Variants in GJB7 observed in about 807,000 individuals in gnomAD.
GJB7 encodes gap junction beta-7 protein.
For missense variants in GJB7, 253 were observed against 256.8 expected (o/e 0.99, Z 0.10); for synonymous variants, 87 against 95.2 (o/e 0.91, Z 0.50).
chr6:87,312,896 G>A (rs945415910), intron 2 of GJB7, among the ~76,000 whole-genome samples: 2 of 152,234 alleles, frequency 1.3e-5, no homozygotes, highest in African/African-American at 4.8e-5. Flanking sequence ...CTTGGAATGA[G>A]TGGTAGAGGT....
rs115828225 is a variant in GJB7, at chr6:87,299,094, T to C, written c.-27-14155A>G. On this transcript the variant is annotated intron_variant, in intron 2 of 2. Transcript: ENST00000525899. ...ACAAATGAAGAAGCTGGGGAGGCCA[T>C]CACCAGTGCTATTGTACTGCCATGC... 551 of 505,748 alleles carry C rather than the reference T, an allele frequency of 1.1e-3. 1 individual carries two copies. The highest frequency in any genetic ancestry group is 9.9e-3 in the African/African-American group (509 of 51,586). 31.3% of individuals were successfully genotyped at this position (505,748 alleles called of 1,614,324 possible).
chr6:87,285,680 A>G (rs541653664), intron 2 of GJB7, among the ~76,000 whole-genome samples: 2 of 152,126 alleles, frequency 1.3e-5, no homozygotes, highest in African/African-American at 4.8e-5. Flanking sequence ...GTGGTCTTCA[A>G]TCTCCCGTCT....
chr6:87,284,751 G>T lies in GJB7; in HGVS notation c.162C>A (p.Asn54Lys). The change falls in exon 3 of 3, where the codon AAC (asparagine) becomes AAA (lysine). Residue 54 changes from asparagine to lysine, a missense_variant. Physicochemically the swap from Asn to Lys is moderately conservative, Grantham distance 94. Coordinates refer to ENST00000525899, the MANE Select transcript of GJB7 (RefSeq NM_198568.3). ...WKDEQKEFEC[N>K]SRQPGCKNVC... ...CATTTTTGCAACCGGGCTGTCTACT[G>T]TTGCACTCAAACTCTTTCTGCTCAT... 1 of 1,614,140 alleles carries T rather than the reference G, an allele frequency of 6.2e-7. No individual in the cohort carries two copies. The highest frequency in any genetic ancestry group is 8.5e-7 in the Non-Finnish European group (1 of 1,180,030).
At chr6:87,299,443 T>A (rs1379502257) in intron 2 of GJB7, 2 of 456,756 alleles carry the variant, frequency 4.4e-6, no homozygotes, top group African/African-American at 4.0e-5. Context: ...TATTAATACG[T>A]CAAAAGGTTA....
rs532020903 is a variant in GJB7, at chr6:87,299,543, A to G, written c.-27-14604T>C. 5.0e-5 allele frequency: 14 copies of G among 280,268 alleles called. No individual in the cohort carries two copies. The East Asian group carries it at 5.6e-4, about 11-fold the overall frequency. 17.4% of individuals were successfully genotyped at this position (280,268 alleles called of 1,614,324 possible). On this transcript the variant is annotated intron_variant, in intron 2 of 2. Transcript: ENST00000525899. The stretch of plus-strand genomic sequence containing the variant: ...ACTGTACCTGCTCTTTAAATTGCCA[A>G]TCCTCACTGTAAGTCCTTGGTCATA...
chr6:87,302,031 G>A (rs956791110), intron 2 of GJB7, among the ~76,000 whole-genome samples: 4 of 152,124 alleles, frequency 2.6e-5, no homozygotes, highest in Non-Finnish European at 5.9e-5. Context: ...CCATCTGTAC[G>A]TCAAAATCAT....
In GJB7 at chr6:87,284,823, G is replaced by A. The variant is rs1169241336; in HGVS notation, c.90C>T (p.Val30=). The A allele has an allele frequency of 1.9e-6, 3 of 1,613,956 alleles. No individual in the cohort carries two copies. Among genetic ancestry groups the A allele is most frequent in the Non-Finnish European group, 2.5e-6 (3 of 1,180,024 alleles). Reference sequence around the variant, plus strand: ...CCACCATGTAGACCAGCAAACGGAAGACAAACACGACAGCCAGCCAAATCC... The same window carrying A: ...CCACCATGTAGACCAGCAAACGGAAAACAAACACGACAGCCAGCCAAATCC... ...TGWIWLAVVF[V]FRLLVYMVAA... Residue 30 remains valine (V), a synonymous_variant, in exon 3 of 3, where the codon GTC becomes GTT. Transcript: ENST00000525899.
At chr6:87,328,042 C>T (rs1176614791) in intron 1 of GJB7, among the ~76,000 whole-genome samples, 3 of 152,106 alleles carry the variant, frequency 2.0e-5, no homozygotes, top group Non-Finnish European at 4.4e-5. Context: ...TCCAGTTGAT[C>T]GCATCAGCTC....
At chr6:87,289,290 T>G (rs754952128) in intron 2 of GJB7, among the ~76,000 whole-genome samples, 7 of 152,222 alleles carry the variant, frequency 4.6e-5, no homozygotes, top group Non-Finnish European at 1.0e-4. Context: ...TTTTCCCTCA[T>G]GCCACTTATA....
chr6:87,328,084 G>C (rs1776879593), intron 1 of GJB7, among the ~76,000 whole-genome samples: 1 of 152,098 alleles, frequency 6.6e-6, no homozygotes, highest in Non-Finnish European at 1.5e-5. Flanking sequence ...CGTAGTTCTT[G>C]AGCCTTGGTT....
chr6:87,290,658 CA>C (rs1253809650), intron 2 of GJB7, among the ~76,000 whole-genome samples: 1 of 152,200 alleles, frequency 6.6e-6, no homozygotes, highest in Non-Finnish European at 1.5e-5. Flanking sequence ...AGCATTTCTG[CA>C]CTCATATTTA....
intron 2 of GJB7, among the ~76,000 whole-genome samples, chr6:87,295,311 A>C (rs1270453969): frequency 2.0e-5 from 3 of 152,160 alleles, no homozygotes; most frequent in Non-Finnish European, 2.9e-5. Context: ...CAGTTATACC[A>C]GTAGTAGGAG....
intron 2 of GJB7, among the ~76,000 whole-genome samples, chr6:87,292,658 AT>A (rs1776194338): frequency 6.6e-6 from 1 of 152,244 alleles, no homozygotes; most frequent in African/African-American, 2.4e-5. Flanking sequence ...AATTAAAGAT[AT>A]GTAGAAATGA....
chr6:87,312,078 G>A (rs970876719), intron 2 of GJB7, among the ~76,000 whole-genome samples: 1 of 152,142 alleles, frequency 6.6e-6, no homozygotes, highest in Non-Finnish European at 1.5e-5. Flanking sequence ...CTAGGATGCT[G>A]GTGATATTCC....
chr6:87,305,839 A>G (rs1278017106), intron 2 of GJB7, among the ~76,000 whole-genome samples: 1 of 152,228 alleles, frequency 6.6e-6, no homozygotes, highest in African/African-American at 2.4e-5. Flanking sequence ...ATATAGACCA[A>G]TGGAAAAGAA....
chr6:87,286,112 G>A (rs903436300), intron 2 of GJB7, among the ~76,000 whole-genome samples: 2 of 151,846 alleles, frequency 1.3e-5, no homozygotes, highest in Non-Finnish European at 2.9e-5. Context: ...TACTCTTTAT[G>A]CTCTCCCTAG....
chr6:87,306,067 A>C (rs1281996534), intron 2 of GJB7, among the ~76,000 whole-genome samples: 2 of 151,978 alleles, frequency 1.3e-5, no homozygotes, highest in Non-Finnish European at 1.5e-5. Flanking sequence ...CTAAAACCAT[A>C]AAAACCCTAG....
At chr6:87,285,451 C>A (rs1308835067) in intron 2 of GJB7, among the ~76,000 whole-genome samples, 1 of 152,172 alleles carries the variant, frequency 6.6e-6, no homozygotes, top group East Asian at 1.9e-4. Context: ...TATCCCATAT[C>A]AGCAGCTCAG....
rs1052131252 is a variant in GJB7, at chr6:87,302,552, T to A, written c.-27-17613A>T. On this transcript the variant is annotated intron_variant, in intron 2 of 2. Coordinates refer to ENST00000525899, the MANE Select transcript of GJB7 (RefSeq NM_198568.3). ...GTGAAAAGACCAAATCCATGTCTGA[T>A]TGGTATACCTCAAAGTGACGGGGAG... 5.9e-5 allele frequency among the ~76,000 whole-genome samples: 9 copies of A among 152,226 alleles called. No individual in the cohort carries two copies. In the South Asian group the frequency reaches 1.7e-3, roughly 28 times the overall value.
Sources: allele counts gnomAD v4.1 joint callset (sites outside exome capture counted in the v4.1 genomes callset), GRCh38; gene constraint gnomAD v4.1.1; transcripts MANE v1.5; gene names NCBI Gene and HGNC (gene_info 2026-07-23, HGNC 2026-07-21).